The following NRG1 variants were observed in gnomAD, a reference collection of about 807,000 sequenced individuals.
NRG1 encodes the protein neuregulin 1.
A neutral mutation model predicts 63.8 loss-of-function variants in NRG1; 18 were observed. The observed-to-expected ratio is 0.28, with a 90% CI of 0.19 to 0.42. NRG1 has a LOEUF of 0.42. Ranked by LOEUF, NRG1 falls within the 10% of genes least tolerant of loss-of-function variation. The pLI, the probability that NRG1 is intolerant of heterozygous loss-of-function variation, is 1.00. For synonymous variants in NRG1, 302 were observed against 301.3 expected, an observed-to-expected ratio of 1.00 and a Z score of -0.02; for missense variants, 762 against 814.7, an observed-to-expected ratio of 0.94 and a Z score of 0.79.
intron 1 of NRG1, among the ~76,000 whole-genome samples, chr8:32,382,282 G>T (rs1324730413): frequency 6.6e-6 from 1 of 152,074 alleles, no homozygotes; most frequent in Non-Finnish European, 1.5e-5. Flanking sequence ...GTTTGTTGGC[G>T]ACTAGATAAT....
chr8:32,302,500 A>G (rs190009720), intron 1 of NRG1, among the ~76,000 whole-genome samples: 22 of 152,166 alleles, frequency 1.4e-4, no homozygotes, highest in African/African-American at 4.8e-4. Flanking sequence ...CTATTGCCAC[A>G]GTGGTTTTAT....
At chr8:31,873,599 G>T (rs910674185) in intron 1 of NRG1, among the ~76,000 whole-genome samples, 1 of 152,096 alleles carries the variant, frequency 6.6e-6, no homozygotes, top group Non-Finnish European at 1.5e-5. Flanking sequence ...AGGGGCATGG[G>T]CTTGGATTTT....
intron 1 of NRG1, among the ~76,000 whole-genome samples, chr8:31,914,737 A>T (rs1437647852): frequency 2.0e-5 from 3 of 152,130 alleles, no homozygotes; most frequent in Non-Finnish European, 4.4e-5. Context: ...CGAATTATCA[A>T]ATAATCTTTT....
At chr8:32,425,460 A>G (rs1409126046) in intron 1 of NRG1, among the ~76,000 whole-genome samples, 1 of 152,200 alleles carries the variant, frequency 6.6e-6, no homozygotes, top group Non-Finnish European at 1.5e-5. Flanking sequence ...GATTTAGATC[A>G]GGGGTTAGCA....
intron 6 of NRG1, among the ~76,000 whole-genome samples, chr8:32,739,177 C>T (rs1825789739): frequency 6.6e-6 from 1 of 152,124 alleles, no homozygotes; most frequent in Admixed American, 6.6e-5. Flanking sequence ...ACCACAGTGC[C>T]GAGAGAGGGC....
intron 5 of NRG1, among the ~76,000 whole-genome samples, chr8:32,676,307 G>C (rs2128906276): frequency 6.6e-6 from 1 of 152,300 alleles, no homozygotes; most frequent in Admixed American, 6.5e-5. Context: ...GACCACAACA[G>C]GTGGCCATGA....
chr8:31,692,467 T>C (rs945916805), intron 1 of NRG1, among the ~76,000 whole-genome samples: 19 of 152,210 alleles, frequency 1.2e-4, no homozygotes, highest in African/African-American at 3.1e-4. Flanking sequence ...AAAACACTTA[T>C]ATAAATATAC....
intron 1 of NRG1, among the ~76,000 whole-genome samples, chr8:32,251,685 T>C (rs1378931995): frequency 6.6e-6 from 1 of 152,196 alleles, no homozygotes; most frequent in African/African-American, 2.4e-5. Context: ...TGTAAAAGTG[T>C]TCCTATTTCT....
Position 32,617,505 on chromosome 8 carries a change from C to T in NRG1, c.502+620C>T, listed in dbSNP as rs185892200. On this transcript the variant is annotated intron_variant, in intron 5 of 11. Coordinates refer to ENST00000356819, the Ensembl canonical transcript of NRG1. ...GATTGATTGGGGTTTTGTGCTATGT[C>T]GGGGGAACTTAAAATATTAGCAAGG... Among the ~76,000 whole-genome samples the T allele has an allele frequency of 8.4e-3, 1,271 of 152,144 alleles. 3 individuals carry two copies. Among genetic ancestry groups the T allele is most frequent in the Middle Eastern group, 0.027 (8 of 292 alleles).
At chr8:32,665,622 G>A (rs1047464953) in intron 5 of NRG1, among the ~76,000 whole-genome samples, 1 of 152,172 alleles carries the variant, frequency 6.6e-6, no homozygotes, top group Admixed American at 6.5e-5. Flanking sequence ...GGCAATCAGT[G>A]TATTGGTGCT....
At chr8:32,019,820 G>A (rs371455645) in intron 1 of NRG1, among the ~76,000 whole-genome samples, 13 of 152,290 alleles carry the variant, frequency 8.5e-5, no homozygotes, top group African/African-American at 2.6e-4. Flanking sequence ...TTGATTTGCA[G>A]TGGTGACTAT....
intron 1 of NRG1, among the ~76,000 whole-genome samples, chr8:31,917,207 TA>T (rs1389019508): frequency 9.7e-6 from 1 of 102,848 alleles, no homozygotes; most frequent in Non-Finnish European, 2.0e-5. Context: ...CTCTTTAGTT[TA>T]ATTAGATCCC....
intron 1 of NRG1, among the ~76,000 whole-genome samples, chr8:32,018,724 A>C (rs891267955): frequency 3.3e-5 from 5 of 152,200 alleles, no homozygotes; most frequent in African/African-American, 4.8e-5. Context: ...AGTTGATATA[A>C]GCATTCTTGT....
chr8:32,573,496 A>G (rs958039910), intron 1 of NRG1, among the ~76,000 whole-genome samples: 4 of 152,198 alleles, frequency 2.6e-5, no homozygotes, highest in Non-Finnish European at 5.9e-5. Flanking sequence ...TAAAATATAT[A>G]TCCTTACCAT....
chr8:32,280,005 G>A (rs1188358116), intron 1 of NRG1, among the ~76,000 whole-genome samples: 1 of 152,166 alleles, frequency 6.6e-6, no homozygotes, highest in East Asian at 1.9e-4. Flanking sequence ...ACTTCACTAC[G>A]GAGGCTAGGA....
chr8:32,494,929 C>T (rs1827018643), intron 1 of NRG1, among the ~76,000 whole-genome samples: 1 of 152,080 alleles, frequency 6.6e-6, no homozygotes, highest in South Asian at 2.1e-4. Flanking sequence ...AAATTCTAGC[C>T]AGGGAATGGC....
At chr8:32,141,764 G>T (rs908962240) in intron 1 of NRG1, among the ~76,000 whole-genome samples, 56 of 151,646 alleles carry the variant, frequency 3.7e-4, no homozygotes, top group African/African-American at 1.2e-3. Context: ...ACAGAGACTT[G>T]TGCCAAAATC....
intron 1 of NRG1, among the ~76,000 whole-genome samples, chr8:32,590,363 C>G (rs1026957261): frequency 6.6e-6 from 1 of 152,130 alleles, no homozygotes; most frequent in African/African-American, 2.4e-5. Flanking sequence ...TCTCTAGAAA[C>G]ACATAGAGAG....
At chr8:31,852,385 T>C (rs1191300230) in intron 1 of NRG1, among the ~76,000 whole-genome samples, 1 of 151,888 alleles carries the variant, frequency 6.6e-6, no homozygotes, top group Non-Finnish European at 1.5e-5. Flanking sequence ...TTTCATGTGT[T>C]TTTTGGCTGC....
Sources: gnomAD v4.1 joint callset for allele counts (sites outside exome capture counted in the v4.1 genomes callset) on GRCh38, gnomAD v4.1.1 for gene constraint, MANE v1.5 for transcripts, NCBI Gene and HGNC (gene_info 2026-07-23, HGNC 2026-07-21) for gene names.